Variants in ACP7 observed in about 807,000 individuals in gnomAD.
ACP7 encodes acid phosphatase type 7.
ACP7 carries 58 observed loss-of-function variants against 60.6 expected under a neutral mutation model. That is an observed-to-expected ratio of 0.96 (90% CI 0.77 to 1.19). ACP7 has a LOEUF of 1.19. Among genes scored for constraint, ACP7 ranks in the 50% most tolerant of loss-of-function variants. The pLI is 0.00. For synonymous variants in ACP7, 237 were observed against 232.6 expected, an observed-to-expected ratio of 1.02 and a Z score of -0.17; for missense variants, 574 against 596.2, an observed-to-expected ratio of 0.96 and a Z score of 0.39.
In ACP7 at chr19:39,107,820, A is replaced by T. The variant is rs530539483; in HGVS notation, c.1251+736A>T. Among the ~76,000 whole-genome samples the T allele has an allele frequency of 2.6e-5, 4 of 152,058 alleles. No homozygotes were observed. In the South Asian group the frequency reaches 6.2e-4, roughly 24 times the overall value. On this transcript the variant is annotated intron_variant, in intron 12 of 12. Transcript: ENST00000331256. ...AGAATCACTTAAATCTGGGAGGTGA[A>T]GTTTGCAGTGACCCAAGATGGCACC... is the stretch of plus-strand genomic sequence containing the variant.
At chr19:39,107,223 G>A in intron 12 of ACP7, 139 bp downstream of exon 12, 1 of 953,694 alleles carries the variant, frequency 1.0e-6, no homozygotes. Flanking sequence ...TAAGGTATGA[G>A]GATCGCTTGA....
At chr19:39,106,918 C>G in intron 11 of ACP7, 29 bp from the exon 12 acceptor site, 1 of 1,612,048 alleles carries the variant, frequency 6.2e-7, no homozygotes, top group Non-Finnish European at 8.5e-7. Context: ...TCCACCTGCT[C>G]TGGGTCTGAT....
At chr19:39,106,563 TC>T (rs1208952821) in intron 11 of ACP7, among the ~76,000 whole-genome samples, 6 of 152,292 alleles carry the variant, frequency 3.9e-5, no homozygotes, top group Admixed American at 1.3e-4. Context: ...TCACTCCGTC[TC>T]CCAGGCTGGA....
chr19:39,109,613 G>T (rs1266483495), intron 12 of ACP7, among the ~76,000 whole-genome samples: 1 of 148,550 alleles, frequency 6.7e-6, no homozygotes, highest in Non-Finnish European at 1.5e-5. Flanking sequence ...GCTGGGGCAG[G>T]AGAATGGCTT....
rs1368713896 is a variant in ACP7 at position 39,085,063 on chromosome 19, C to A, written c.-178-29C>A. ...AGAGAGCTCTGCTGCTGTTCCTTAGCGATTCTTATTTTTGGTTTCTCTCTC... is the reference window on the plus strand; with the variant it reads ...AGAGAGCTCTGCTGCTGTTCCTTAGAGATTCTTATTTTTGGTTTCTCTCTC... On this transcript the variant is annotated intron_variant, in intron 1 of 12. Transcript: ENST00000331256. 5.3e-6 allele frequency: 3 copies of A among 561,214 alleles called. No individual in the cohort carries two copies. The East Asian group carries it at 9.4e-5, about 18-fold the overall frequency. The allele number at this position is 561,214 out of a possible 1,614,324, so 34.8% of individuals were successfully genotyped here.
intron 2 of ACP7, among the ~76,000 whole-genome samples, chr19:39,097,588 A>G (rs889869172): frequency 1.3e-5 from 2 of 151,318 alleles, no homozygotes; most frequent in South Asian, 2.1e-4. Flanking sequence ...AAAAAAGTCA[A>G]TAGCTTTGCT....
At position 39,101,175 on chromosome 19, in the gene ACP7, T is replaced by C. The variant is rs779528055; in HGVS notation, c.941T>C (p.Leu314Pro). ...GTCCGCAAAGGCCTCCAAGGCAAGC[T>C]GTACGGGTTGGAGGATCTTTTCTAC... ...SKVRKGLQGK[L>P]YGLEDLFYKY... Residue 314 changes from leucine (L) to proline (P), a missense_variant, in exon 9 of 13, where the codon CTG becomes CCG. By Grantham distance (98) the Leu-to-Pro change is moderately conservative. Coordinates refer to ENST00000331256, the MANE Select transcript of ACP7 (RefSeq NM_001004318.3). The C allele has an allele frequency of 1.4e-5, 22 of 1,614,174 alleles. No homozygotes were observed. The highest frequency in any genetic ancestry group is 1.9e-5 in the Non-Finnish European group (22 of 1,180,024).
At chr19:39,102,787 CTCTCTCTT>C (rs1399873018) in intron 11 of ACP7, among the ~76,000 whole-genome samples, 3 of 121,616 alleles carry the variant, frequency 2.5e-5, no homozygotes, top group Non-Finnish European at 3.7e-5. Flanking sequence ...CTCTTTCTCT[CTCTCTCTT>C]TCTTTCTTTC....
Position 39,100,653 on chromosome 19 carries a change from G to A in ACP7, c.692+11G>A, listed in dbSNP as rs750933348. 3.1e-6 allele frequency: 5 copies of A among 1,613,722 alleles called. No individual in the cohort carries two copies. In the African/African-American group the frequency reaches 4.0e-5, roughly 13 times the overall value. On this transcript the variant is annotated intron_variant, in intron 6 of 12. Coordinates refer to ENST00000331256, the MANE Select transcript of ACP7 (RefSeq NM_001004318.3). The stretch of plus-strand genomic sequence containing the variant: ...GGGCCTGTGGTACAGGTAATGTGGG[G>A]GTGCTGGGGGACTGGCCCTCTCCCC...
At chr19:39,101,908 C>T (rs553641893) in intron 11 of ACP7, among the ~76,000 whole-genome samples, 1 of 146,848 alleles carries the variant, frequency 6.8e-6, no homozygotes, top group South Asian at 2.1e-4. Flanking sequence ...GAGTTGGAGA[C>T]CAGCCTGGCA....
At chr19:39,085,445 C>G (rs1189583585) in intron 2 of ACP7, 55 bp downstream of exon 2, 10 of 1,536,296 alleles carry the variant, frequency 6.5e-6, no homozygotes, top group Non-Finnish European at 8.8e-6. Flanking sequence ...AGCGGTGCTT[C>G]GTTGTTTGAG....
Position 39,100,646 on chromosome 19 carries a change from A to T in ACP7, c.692+4A>T. 1 of 1,613,808 alleles carries T rather than the reference A, an allele frequency of 6.2e-7. No individual in the cohort carries two copies. The highest frequency in any genetic ancestry group is 8.5e-7 in the Non-Finnish European group (1 of 1,179,822). The stretch of plus-strand genomic sequence containing the variant: ...ATAATGAGGGCCTGTGGTACAGGTA[A>T]TGTGGGGGTGCTGGGGGACTGGCCC... On this transcript the variant is annotated splice_donor_region_variant and intron_variant, in intron 6 of 12. Transcript: ENST00000331256.
intron 11 of ACP7, among the ~76,000 whole-genome samples, chr19:39,105,584 A>G (rs146497578): frequency 6.6e-6 from 1 of 151,598 alleles, no homozygotes; most frequent in Non-Finnish European, 1.5e-5. Flanking sequence ...ACAGTGTTAC[A>G]ATCTCGGCTC....
intron 11 of ACP7, among the ~76,000 whole-genome samples, chr19:39,106,700 T>G (rs921914481): frequency 2.0e-5 from 3 of 152,080 alleles, no homozygotes; most frequent in African/African-American, 7.2e-5. Flanking sequence ...ATTTTTGTAT[T>G]TTTAGTAGAG....
At position 39,088,933 on chromosome 19, in the gene ACP7, CA is replaced by C. The variant is rs1398176440; in HGVS notation, c.121+3544del. Among the ~76,000 whole-genome samples, 337 of 140,718 alleles carry C rather than the reference CA, an allele frequency of 2.4e-3. 1 individual carries two copies. The highest frequency in any genetic ancestry group is 7.7e-3 in the African/African-American group (303 of 39,376). 92.3% of individuals were successfully genotyped at this position (140,718 alleles called of 152,430 possible). A position where few individuals can be genotyped will look rare whatever the true frequency, so the allele number is the denominator to read the frequency against. On this transcript the variant is annotated intron_variant, in intron 2 of 12. Coordinates refer to ENST00000331256, the MANE Select transcript of ACP7 (RefSeq NM_001004318.3). ...GCTGATTTTTGTATTTGTATTTTTG[CA>C]TTTTTTTTTTTTTGAGTCGTAGTCT...
chr19:39,095,824 T>C (rs2073259014), intron 2 of ACP7, among the ~76,000 whole-genome samples: 1 of 152,204 alleles, frequency 6.6e-6, no homozygotes, highest in South Asian at 2.1e-4. Context: ...ACCCCAATTC[T>C]TGACTTCTGC....
At chr19:39,094,063 A>G (rs2073239282) in intron 2 of ACP7, among the ~76,000 whole-genome samples, 1 of 152,138 alleles carries the variant, frequency 6.6e-6, no homozygotes, top group Non-Finnish European at 1.5e-5. Context: ...TGGAGGAAGA[A>G]CTCTTAACAT....
chr19:39,109,170 C>T (rs1257980590), intron 12 of ACP7, among the ~76,000 whole-genome samples: 1 of 152,148 alleles, frequency 6.6e-6, no homozygotes, highest in Non-Finnish European at 1.5e-5. Flanking sequence ...TGGATTTCCT[C>T]TCCATTTTAT....
At chr19:39,101,245 T>C in intron 9 of ACP7, 38 bp downstream of exon 9, 1 of 1,614,098 alleles carries the variant, frequency 6.2e-7, no homozygotes, top group Non-Finnish European at 8.5e-7. Flanking sequence ...ACACCCCACC[T>C]CTCCCCAATT....
Sources: allele counts gnomAD v4.1 joint callset (sites outside exome capture counted in the v4.1 genomes callset), GRCh38; gene constraint gnomAD v4.1.1; transcripts MANE v1.5; gene names NCBI Gene and HGNC (gene_info 2026-07-23, HGNC 2026-07-21).